The following ESRRG variants were observed in gnomAD, a reference collection of about 807,000 sequenced individuals.
The protein encoded by ESRRG is estrogen-related receptor gamma.
In ESRRG, 13 loss-of-function variants were observed where a neutral mutation model predicts 44.0. The ratio of observed to expected loss-of-function variants is 0.30; its 90% CI spans 0.19 to 0.47. The LOEUF (loss-of-function observed/expected upper bound fraction) is 0.47, where lower values mean the gene tolerates loss of function less well. Among genes scored for constraint, ESRRG ranks in the 20% least tolerant of loss-of-function variants. ESRRG has a pLI of 1.00. For missense variants in ESRRG, 395 were observed against 580.6 expected (o/e 0.68, Z 3.29); for synonymous variants, 215 against 214.6 (o/e 1.00, Z -0.02).
At chr1:216,875,441 C>T (rs763761755) in intron 2 of ESRRG, among the ~76,000 whole-genome samples, 8 of 152,060 alleles carry the variant, frequency 5.3e-5, no homozygotes, top group Admixed American at 1.3e-4. Flanking sequence ...AACAAAGATG[C>T]TAACTTCTAA....
intron 2 of ESRRG, among the ~76,000 whole-genome samples, chr1:216,899,376 T>C (rs764920576): frequency 6.6e-6 from 1 of 152,234 alleles, no homozygotes; most frequent in Non-Finnish European, 1.5e-5. Context: ...GAAATGCATT[T>C]ATGTTATATT....
chr1:217,024,959 T>C (rs991771519), intron 1 of ESRRG, among the ~76,000 whole-genome samples: 3 of 152,176 alleles, frequency 2.0e-5, no homozygotes, highest in Admixed American at 1.3e-4. Context: ...AACTGAGGCA[T>C]GAAGAGTTTT....
intron 1 of ESRRG, among the ~76,000 whole-genome samples, chr1:217,034,713 G>C (rs1336985941): frequency 6.6e-6 from 1 of 152,184 alleles, no homozygotes; most frequent in Non-Finnish European, 1.5e-5. Context: ...GGGCAGCGTT[G>C]GTCCACGCTC....
intron 1 of ESRRG, among the ~76,000 whole-genome samples, chr1:217,082,159 T>G (rs1381674905): frequency 6.6e-6 from 1 of 152,186 alleles, no homozygotes; most frequent in Non-Finnish European, 1.5e-5. Flanking sequence ...CTCCCTGAAG[T>G]AATATGTAAA....
intron 2 of ESRRG, among the ~76,000 whole-genome samples, chr1:216,669,156 T>A (rs990966264): frequency 6.6e-6 from 1 of 151,932 alleles, no homozygotes; most frequent in Non-Finnish European, 1.5e-5. Context: ...GGCACACAGA[T>A]CCTGATATAT....
intron 1 of ESRRG, among the ~76,000 whole-genome samples, chr1:216,981,903 AGT>A (rs2074036307): frequency 6.6e-6 from 1 of 152,174 alleles, no homozygotes. Context: ...GTGATGACTT[AGT>A]GTCTCCCAAG....
chr1:216,514,946 C>T (rs543056477), intron 6 of ESRRG, among the ~76,000 whole-genome samples: 1 of 140,390 alleles, frequency 7.1e-6, no homozygotes, highest in Admixed American at 7.4e-5. Context: ...GGCTAAGGCC[C>T]AGTTTTACTT....
At chr1:216,621,945 A>G (rs2062312217) in intron 3 of ESRRG, among the ~76,000 whole-genome samples, 1 of 152,104 alleles carries the variant, frequency 6.6e-6, no homozygotes, top group East Asian at 1.9e-4. Context: ...TGCTTACTAG[A>G]CTGCGCCTAT....
intron 3 of ESRRG, among the ~76,000 whole-genome samples, chr1:216,647,732 T>C (rs1477762377): frequency 6.6e-6 from 1 of 152,168 alleles, no homozygotes; most frequent in Non-Finnish European, 1.5e-5. Context: ...TAACGATTAT[T>C]ATTTTTAAAA....
At chr1:216,639,821 G>A (rs1044818811) in intron 3 of ESRRG, among the ~76,000 whole-genome samples, 4 of 152,120 alleles carry the variant, frequency 2.6e-5, no homozygotes, top group African/African-American at 9.7e-5. Flanking sequence ...CCCTCCCTTT[G>A]GGTTTTGCCA....
chr1:217,088,448 A>G (rs552444615), intron 1 of ESRRG, among the ~76,000 whole-genome samples: 1 of 100,640 alleles, frequency 9.9e-6, no homozygotes, highest in South Asian at 3.1e-4. Flanking sequence ...AGAGAGTGCT[A>G]TTTTCAACAT....
chr1:216,671,401 C>G lies in ESRRG; in HGVS notation c.472+5675G>C, dbSNP rs144468912. Among the ~76,000 whole-genome samples, 3 of 152,298 alleles carry G rather than the reference C, an allele frequency of 2.0e-5. No homozygotes were observed. The East Asian group carries it at 5.8e-4, about 29-fold the overall frequency. On this transcript the variant is annotated intron_variant, in intron 2 of 6. Transcript: ENST00000408911. ...TACGATCATAGCTAAAGGGTGGAGA[C>G]AGCTGTGAGCTCTGGAAGGTGACAT...
chr1:216,778,057 C>T (rs774447748), intron 2 of ESRRG, among the ~76,000 whole-genome samples: 11 of 151,908 alleles, frequency 7.2e-5, no homozygotes, highest in African/African-American at 2.4e-4. Flanking sequence ...TATCTGGTCT[C>T]GGATCAATAG....
chr1:216,699,482 C>T (rs1200086090), intron 1 of ESRRG, among the ~76,000 whole-genome samples: 1 of 152,096 alleles, frequency 6.6e-6, no homozygotes, highest in Non-Finnish European at 1.5e-5. Flanking sequence ...GTCTACCTGT[C>T]ATGGAGGGCC....
At chr1:216,625,982 CT>C (rs1187442977) in intron 3 of ESRRG, among the ~76,000 whole-genome samples, 1 of 152,108 alleles carries the variant, frequency 6.6e-6, no homozygotes, top group Non-Finnish European at 1.5e-5. Context: ...TTTTCTTCCC[CT>C]TCACAATCCA....
chr1:216,967,028 C>G (rs1008541696), intron 1 of ESRRG, among the ~76,000 whole-genome samples: 2 of 152,112 alleles, frequency 1.3e-5, no homozygotes, highest in Admixed American at 1.3e-4. Flanking sequence ...TAAACAAGAG[C>G]TTACATTTGG....
chr1:216,811,609 T>C (rs1462529544), intron 2 of ESRRG, among the ~76,000 whole-genome samples: 3 of 152,216 alleles, frequency 2.0e-5, no homozygotes, highest in East Asian at 3.9e-4. Context: ...AATTTCAACA[T>C]CAACCTGGCA....
intron 1 of ESRRG, among the ~76,000 whole-genome samples, chr1:216,679,290 G>A (rs1172776539): frequency 6.6e-6 from 1 of 152,150 alleles, no homozygotes; most frequent in Non-Finnish European, 1.5e-5. Context: ...GTTAATGAAC[G>A]TTGTAATTAA....
chr1:216,538,729 C>T (rs2051762212), intron 5 of ESRRG, among the ~76,000 whole-genome samples: 1 of 152,078 alleles, frequency 6.6e-6, no homozygotes, highest in South Asian at 2.1e-4. Context: ...CTTAGGTTTA[C>T]ATCTAGAGCA....
Sources: allele counts gnomAD v4.1 joint callset (sites outside exome capture counted in the v4.1 genomes callset), GRCh38; gene constraint gnomAD v4.1.1; transcripts MANE v1.5; gene names NCBI Gene and HGNC (gene_info 2026-07-23, HGNC 2026-07-21).